FBXW7: variants seen among roughly 807,000 people sequenced by gnomAD.
The protein encoded by FBXW7 is F-box/WD repeat-containing protein 7.
Under a neutral mutation model 86.3 loss-of-function variants are expected in FBXW7, and 11 were observed. That is an observed-to-expected ratio of 0.13 (90% CI 0.08 to 0.21). The LOEUF (loss-of-function observed/expected upper bound fraction) is 0.21, where lower values mean the gene tolerates loss of function less well. Ranked by LOEUF, FBXW7 falls within the 10% of genes least tolerant of loss-of-function variation. The pLI, the probability that FBXW7 is intolerant of heterozygous loss-of-function variation, is 1.00. For synonymous variants in FBXW7, 313 were observed against 297.9 expected (o/e 1.05, Z -0.52); for missense variants, 488 against 847.4 (o/e 0.58, Z 5.27).
intron 4 of FBXW7, among the ~76,000 whole-genome samples, chr4:152,376,167 C>T (rs1161726217): frequency 3.3e-5 from 5 of 151,830 alleles, no homozygotes; most frequent in Non-Finnish European, 7.4e-5. Context: ...TTTAACATGT[C>T]TAATAGTTTT....
At chr4:152,427,382 G>A (rs1739481989) in intron 2 of FBXW7, among the ~76,000 whole-genome samples, 1 of 152,150 alleles carries the variant, frequency 6.6e-6, no homozygotes, top group African/African-American at 2.4e-5. Context: ...CATTTGACCT[G>A]TATTAACTTA....
At chr4:152,515,393 TGTA>T (rs1445557969) in intron 2 of FBXW7, among the ~76,000 whole-genome samples, 2 of 152,204 alleles carry the variant, frequency 1.3e-5, no homozygotes, top group Non-Finnish European at 2.9e-5. Context: ...AGAAATGTCT[TGTA>T]GTTTACTGTA....
In FBXW7 at chr4:152,325,995, A is replaced by G. The variant is rs2126491472; in HGVS notation, c.1644+11T>C. The G allele has an allele frequency of 6.3e-7, 1 of 1,593,174 alleles. No homozygotes were observed. Among genetic ancestry groups the G allele is most frequent in the Non-Finnish European group, 8.6e-7 (1 of 1,161,468 alleles). Reference sequence around the variant, plus strand: ...CAGGAGAGCATTTAAGGGAGAGATAAGAGATCTTACCTGTAATGAATAGAC... The same window carrying G: ...CAGGAGAGCATTTAAGGGAGAGATAGGAGATCTTACCTGTAATGAATAGAC... On this transcript the variant is annotated intron_variant, in intron 12 of 13. Transcript: ENST00000281708.
At chr4:152,459,675 C>A (rs1028334225) in intron 2 of FBXW7, among the ~76,000 whole-genome samples, 1 of 152,126 alleles carries the variant, frequency 6.6e-6, no homozygotes, top group Non-Finnish European at 1.5e-5. Context: ...CAGATAGAAC[C>A]AAACTCTATA....
At chr4:152,516,169 AC>A (rs1355231084) in intron 2 of FBXW7, among the ~76,000 whole-genome samples, 1 of 152,178 alleles carries the variant, frequency 6.6e-6, no homozygotes, top group Non-Finnish European at 1.5e-5. Context: ...ACCAATAGAA[AC>A]TGTAAGATAA....
chr4:152,483,598 T>A (rs1198872455), intron 2 of FBXW7, among the ~76,000 whole-genome samples: 1 of 151,898 alleles, frequency 6.6e-6, no homozygotes, highest in Non-Finnish European at 1.5e-5. Context: ...CTCACAAGGC[T>A]AAGGTGGGAA....
intron 2 of FBXW7, among the ~76,000 whole-genome samples, chr4:152,527,432 AC>A (rs1749614076): frequency 6.6e-6 from 1 of 151,854 alleles, no homozygotes; most frequent in Non-Finnish European, 1.5e-5. Context: ...CCCCTCATTC[AC>A]CCCCCTAAAA....
At chr4:152,369,906 T>C (rs76889682) in intron 4 of FBXW7, among the ~76,000 whole-genome samples, 2,076 of 152,070 alleles carry the variant, frequency 0.014, 26 homozygotes, top group Middle Eastern at 0.038. Flanking sequence ...GTATAACACA[T>C]GTAAGAACAT....
intron 4 of FBXW7, among the ~76,000 whole-genome samples, chr4:152,389,944 C>A: frequency 6.6e-6 from 1 of 151,972 alleles, no homozygotes; most frequent in East Asian, 1.9e-4. Context: ...GGCATGTATG[C>A]CTGTGCTCTA....
intron 2 of FBXW7, among the ~76,000 whole-genome samples, chr4:152,436,590 C>T (rs957247890): frequency 7.2e-5 from 11 of 152,236 alleles, no homozygotes; most frequent in African/African-American, 2.7e-4. Context: ...TGGAAGATGC[C>T]ATCCATGACT....
At chr4:152,508,259 T>C (rs1487117426) in intron 2 of FBXW7, among the ~76,000 whole-genome samples, 1 of 151,670 alleles carries the variant, frequency 6.6e-6, no homozygotes, top group Non-Finnish European at 1.5e-5. Context: ...GGAAAAAAAA[T>C]CCGCGAGTCC....
At chr4:152,372,378 A>G (rs766724037) in intron 4 of FBXW7, among the ~76,000 whole-genome samples, 41 of 152,116 alleles carry the variant, frequency 2.7e-4, no homozygotes, top group South Asian at 8.3e-4. Context: ...CTGTGTTCCT[A>G]AATTCAGAAT....
At chr4:152,358,527 GT>G (rs1417668990) in intron 4 of FBXW7, among the ~76,000 whole-genome samples, 1 of 150,948 alleles carries the variant, frequency 6.6e-6, no homozygotes, top group Non-Finnish European at 1.5e-5. Context: ...AAAAAAAAAG[GT>G]ATAGCTACTA....
intron 4 of FBXW7, chr4:152,382,345 C>T (rs1215736285): frequency 3.8e-6 from 6 of 1,558,696 alleles, no homozygotes; most frequent in Non-Finnish European, 5.2e-6. Context: ...TTTTAAAACT[C>T]CTCTTGGTTG....
intron 2 of FBXW7, among the ~76,000 whole-genome samples, chr4:152,450,200 T>C (rs1741786752): frequency 6.6e-6 from 1 of 152,232 alleles, no homozygotes; most frequent in Non-Finnish European, 1.5e-5. Flanking sequence ...TCACATTCAA[T>C]TTTTTAAAAA....
At chr4:152,484,158 AT>A (rs748972741) in intron 2 of FBXW7, among the ~76,000 whole-genome samples, 5 of 152,064 alleles carry the variant, frequency 3.3e-5, no homozygotes, top group Admixed American at 2.0e-4. Context: ...AATCCTATTC[AT>A]TTTTTAAAAT....
At chr4:152,455,912 T>C (rs1359429504) in intron 2 of FBXW7, among the ~76,000 whole-genome samples, 1 of 152,148 alleles carries the variant, frequency 6.6e-6, no homozygotes, top group Non-Finnish European at 1.5e-5. Context: ...TCAAAATCTT[T>C]AACTTAATCA....
chr4:152,341,755 A>C (rs1730761613), intron 6 of FBXW7, among the ~76,000 whole-genome samples: 2 of 152,238 alleles, frequency 1.3e-5, no homozygotes, highest in African/African-American at 4.8e-5. Flanking sequence ...TTTAGCAGCA[A>C]GGGACATATA....
intron 4 of FBXW7, among the ~76,000 whole-genome samples, chr4:152,402,454 T>G (rs1737031735): frequency 6.6e-6 from 1 of 152,096 alleles, no homozygotes; most frequent in East Asian, 1.9e-4. Flanking sequence ...GACATGAAAA[T>G]AAATGTTAGG....
Sources: gnomAD v4.1 joint callset for allele counts (sites outside exome capture counted in the v4.1 genomes callset) on GRCh38, gnomAD v4.1.1 for gene constraint, MANE v1.5 for transcripts, NCBI Gene and HGNC (gene_info 2026-07-23, HGNC 2026-07-21) for gene names.